DYTN: variants seen among roughly 807,000 people sequenced by gnomAD.
DYTN encodes the protein dystrotelin.
DYTN carries 75 observed loss-of-function variants against 69.6 expected under a neutral mutation model. The ratio of observed to expected loss-of-function variants is 1.08; its 90% CI spans 0.89 to 1.31. DYTN has a LOEUF of 1.31. DYTN is among the 50% of genes most tolerant of loss of function. DYTN has a pLI of 0.00. For missense variants in DYTN, 726 were observed against 688.4 expected, an observed-to-expected ratio of 1.05 and a Z score of -0.61; for synonymous variants, 252 against 249.1, an observed-to-expected ratio of 1.01 and a Z score of -0.11.
rs1382430524 is a variant in DYTN at position 206,705,661 on chromosome 2, TA to T, written c.382+126del. 1.9e-5 allele frequency: 14 copies of T among 730,716 alleles called. No homozygotes were observed. In the African/African-American group the frequency reaches 2.3e-4, roughly 12 times the overall value. The allele number at this position is 730,716 out of a possible 1,614,324, so 45.3% of individuals were successfully genotyped here. The stretch of plus-strand genomic sequence containing the variant: ...AAAGTCCTCAAATAGTAAATATTTT[TA>T]TTTAATAAACACATAAGTCATGCTG... On this transcript the variant is annotated intron_variant, in intron 4 of 11. Transcript: ENST00000452335.
At chr2:206,716,007 G>A (rs1700126433) in intron 1 of DYTN, among the ~76,000 whole-genome samples, 1 of 152,182 alleles carries the variant, frequency 6.6e-6, no homozygotes, top group Non-Finnish European at 1.5e-5. Context: ...AGAATCGCTT[G>A]AACCAGGGAG....
chr2:206,712,442 A>T (rs1275698898), intron 1 of DYTN, among the ~76,000 whole-genome samples: 1 of 152,200 alleles, frequency 6.6e-6, no homozygotes, highest in Admixed American at 6.5e-5. Flanking sequence ...GAGAAAACAT[A>T]CAACCAGACA....
intron 11 of DYTN, 70 bp from the exon 12 acceptor site, chr2:206,651,991 G>A: frequency 7.2e-7 from 1 of 1,394,830 alleles, no homozygotes; most frequent in Non-Finnish European, 9.9e-7. Flanking sequence ...TATTGATAAA[G>A]CTCTCACATG....
At chr2:206,703,099 G>A (rs931990906) in intron 5 of DYTN, among the ~76,000 whole-genome samples, 2 of 152,160 alleles carry the variant, frequency 1.3e-5, no homozygotes, top group African/African-American at 4.8e-5. Context: ...TGCCTGGGGT[G>A]CGGGTAGGGG....
chr2:206,666,244 G>A (rs552669636), intron 9 of DYTN, among the ~76,000 whole-genome samples: 1 of 152,112 alleles, frequency 6.6e-6, no homozygotes, highest in Admixed American at 6.5e-5. Flanking sequence ...TCTGCCTCTT[G>A]GGTTCAAGTG....
chr2:206,663,791 A>C (rs933028538), intron 10 of DYTN, among the ~76,000 whole-genome samples: 1 of 152,246 alleles, frequency 6.6e-6, no homozygotes, highest in African/African-American at 2.4e-5. Flanking sequence ...AGGGTTTCAC[A>C]GTAAGCCACA....
intron 5 of DYTN, among the ~76,000 whole-genome samples, chr2:206,704,120 C>T (rs568518023): frequency 1.3e-5 from 2 of 152,128 alleles, no homozygotes; most frequent in African/African-American, 4.8e-5. Context: ...ATTCTTTAAG[C>T]ATTTTTTTGA....
At chr2:206,699,929 C>G in intron 6 of DYTN, 39 bp from the exon 7 acceptor site, 1 of 1,588,744 alleles carries the variant, frequency 6.3e-7, no homozygotes, top group Non-Finnish European at 8.6e-7. Context: ...TTTTTAGGCA[C>G]GACTTGATAT....
At chr2:206,674,206 T>A (rs1208225842) in intron 9 of DYTN, among the ~76,000 whole-genome samples, 1 of 142,258 alleles carries the variant, frequency 7.0e-6, no homozygotes, top group Non-Finnish European at 1.5e-5. Context: ...ACAAAAATGA[T>A]CTTTAGGAAA....
At chr2:206,659,821 T>C (rs1699489232) in intron 11 of DYTN, among the ~76,000 whole-genome samples, 1 of 151,880 alleles carries the variant, frequency 6.6e-6, no homozygotes, top group South Asian at 2.1e-4. Flanking sequence ...GGGTGAGGAG[T>C]GATATATAAT....
intron 9 of DYTN, among the ~76,000 whole-genome samples, chr2:206,678,343 C>T (rs1699714846): frequency 6.6e-6 from 1 of 152,200 alleles, no homozygotes; most frequent in Non-Finnish European, 1.5e-5. Context: ...GTGCTACATT[C>T]ACTAGAAGCC....
intron 11 of DYTN, among the ~76,000 whole-genome samples, chr2:206,662,504 T>C (rs751450760): frequency 8.5e-5 from 13 of 152,170 alleles, no homozygotes; most frequent in Admixed American, 3.3e-4. Context: ...ACTTATAACA[T>C]AGAAACTGCA....
intron 11 of DYTN, among the ~76,000 whole-genome samples, chr2:206,652,640 G>A (rs768303102): frequency 2.0e-5 from 3 of 152,164 alleles, no homozygotes; most frequent in Non-Finnish European, 2.9e-5. Context: ...AAATTATAGT[G>A]CATTTGTACC....
chr2:206,670,848 C>T (rs1699622760), intron 9 of DYTN, among the ~76,000 whole-genome samples: 2 of 152,138 alleles, frequency 1.3e-5, no homozygotes, highest in South Asian at 2.1e-4. Flanking sequence ...ATGTCTTCTT[C>T]CCCAAAGGCA....
Position 206,651,642 on chromosome 2 carries a change from T to G in DYTN, c.*176A>C. ...CGCCCTGCTAACCCCCAACCTTCAC[T>G]CTGAACTGCAGAACTAAGATACATA... On this transcript the variant is annotated 3_prime_UTR_variant, in exon 12 of 12. Transcript: ENST00000452335. 1.7e-6 allele frequency: 1 copy of G among 574,634 alleles called. No homozygotes were observed. The highest frequency in any genetic ancestry group is 3.1e-6 in the Non-Finnish European group (1 of 319,232). 35.6% of individuals were successfully genotyped at this position (574,634 alleles called of 1,614,324 possible).
At chr2:206,683,010 T>A (rs1274970065) in intron 9 of DYTN, among the ~76,000 whole-genome samples, 1 of 152,100 alleles carries the variant, frequency 6.6e-6, no homozygotes, top group Non-Finnish European at 1.5e-5. Flanking sequence ...AAAGATCACA[T>A]AATTGGCTAA....
In DYTN at chr2:206,699,849, C is replaced by A. The variant is rs372309495; in HGVS notation, c.597G>T (p.Trp199Cys). The stretch of plus-strand genomic sequence containing the variant: ...GGAGGATGGGAGGCTCAGATTGGAC[C>A]CAAGACAGGAATTTTTCTTCTTTGA... ...PAIKEEKFLS[W>C]VQSEPPILLW... is the part of the protein sequence containing the mutation. Residue 199 changes from tryptophan to cysteine, a missense_variant, in exon 7 of 12, where the codon TGG becomes TGT. By Grantham distance (215) the Trp-to-Cys change is radical. Coordinates refer to ENST00000452335, the MANE Select transcript of DYTN (RefSeq NM_001093730.1). The A allele has an allele frequency of 2.5e-6, 4 of 1,613,506 alleles. No homozygotes were observed. Among genetic ancestry groups the A allele is most frequent in the Non-Finnish European group, 3.4e-6 (4 of 1,179,802 alleles).
chr2:206,715,276 G>GTGCC (rs1473801639), intron 1 of DYTN, among the ~76,000 whole-genome samples: 2 of 152,138 alleles, frequency 1.3e-5, no homozygotes. Flanking sequence ...GAGAAACTGG[G>GTGCC]TGCCTGTCCA....
At chr2:206,710,750 T>C (rs985548551) in intron 1 of DYTN, among the ~76,000 whole-genome samples, 152 bp from the exon 2 acceptor site, 2 of 151,990 alleles carry the variant, frequency 1.3e-5, no homozygotes, top group African/African-American at 4.8e-5. Context: ...TGTAAACAAA[T>C]AAAAATAGAC....
Sources: gnomAD v4.1 joint callset for allele counts (sites outside exome capture counted in the v4.1 genomes callset) on GRCh38, gnomAD v4.1.1 for gene constraint, MANE v1.5 for transcripts, NCBI Gene and HGNC (gene_info 2026-07-23, HGNC 2026-07-21) for gene names.